Variants in DYNC2H1 observed in about 807,000 individuals in gnomAD.
The protein encoded by DYNC2H1 is dynein cytoplasmic 2 heavy chain 1, also known as cytoplasmic dynein 2 heavy chain 1.
Under a neutral mutation model 570.0 loss-of-function variants are expected in DYNC2H1, and 410 were observed. The ratio of observed to expected loss-of-function variants is 0.72; its 90% CI spans 0.66 to 0.78. The LOEUF is 0.78. Among genes scored for constraint, DYNC2H1 ranks in the 30% least tolerant of loss-of-function variants. The pLI is 0.00. For synonymous variants in DYNC2H1, 1,688 were observed against 1,677.6 expected (o/e 1.01, Z -0.15); for missense variants, 4,865 against 5,046.4 (o/e 0.96, Z 1.09).
chr11:103,417,011 C>T (rs554892681), intron 84 of DYNC2H1, among the ~76,000 whole-genome samples: 6 of 152,096 alleles, frequency 3.9e-5, no homozygotes, highest in African/African-American at 1.4e-4. Flanking sequence ...ATGTGGCCAA[C>T]AAACTTATGA....
chr11:103,275,546 T>C lies in DYNC2H1; in HGVS notation c.10696-4802T>C, dbSNP rs1051886379. Among the ~76,000 whole-genome samples, 7 of 152,230 alleles carry C rather than the reference T, an allele frequency of 4.6e-5. No individual in the cohort carries two copies. The highest frequency in any genetic ancestry group is 1.0e-4 in the Non-Finnish European group (7 of 68,046). Reference sequence around the variant, plus strand: ...CAAACGCTGATCCTTTTACTGCCTATAGTTTTGCCTGTTCCAAATTATATT... The same window carrying C: ...CAAACGCTGATCCTTTTACTGCCTACAGTTTTGCCTGTTCCAAATTATATT... On this transcript the variant is annotated intron_variant, in intron 70 of 88. Coordinates refer to ENST00000375735, the MANE Select transcript of DYNC2H1 (RefSeq NM_001377.3). This position sits in a 1 kb window ranked among gnomAD's most constrained non-coding sequence, Gnocchi z 4.8.
At chr11:103,384,621 T>A (rs967225147) in intron 83 of DYNC2H1, among the ~76,000 whole-genome samples, 14 of 152,202 alleles carry the variant, frequency 9.2e-5, no homozygotes, top group African/African-American at 2.7e-4. Flanking sequence ...TTTTTGTACA[T>A]ACATAGCTTA....
At chr11:103,341,902 A>G (rs1322415620) in intron 82 of DYNC2H1, among the ~76,000 whole-genome samples, 2 of 152,184 alleles carry the variant, frequency 1.3e-5, no homozygotes, top group East Asian at 3.9e-4. Context: ...TCTCCATTGT[A>G]GGCTATTTCC....
At chr11:103,296,040 C>T (rs779815096) in intron 75 of DYNC2H1, among the ~76,000 whole-genome samples, 49 of 152,308 alleles carry the variant, frequency 3.2e-4, no homozygotes, top group Middle Eastern at 3.4e-3. Context: ...TCCTCCCCTA[C>T]GCACACAGAT....
intron 60 of DYNC2H1, among the ~76,000 whole-genome samples, chr11:103,233,421 A>G (rs1864089447): frequency 6.6e-6 from 1 of 151,956 alleles, no homozygotes; most frequent in Non-Finnish European, 1.5e-5. Flanking sequence ...CATATTTTTC[A>G]AGGAAAATAA....
chr11:103,377,829 C>A (rs1371766063), intron 83 of DYNC2H1, among the ~76,000 whole-genome samples: 1 of 152,184 alleles, frequency 6.6e-6, no homozygotes, highest in Non-Finnish European at 1.5e-5. Flanking sequence ...CTCCACCTCC[C>A]AGGTTCAAGC....
intron 83 of DYNC2H1, among the ~76,000 whole-genome samples, chr11:103,364,497 T>G (rs1940800938): frequency 6.6e-6 from 1 of 152,186 alleles, no homozygotes; most frequent in Non-Finnish European, 1.5e-5. Context: ...TTTTTAAATT[T>G]AAATTGAAGT....
At chr11:103,220,198 A>C (rs538820768) in intron 56 of DYNC2H1, among the ~76,000 whole-genome samples, 170 bp downstream of exon 56, 20 of 152,344 alleles carry the variant, frequency 1.3e-4, no homozygotes, top group African/African-American at 4.8e-4. Context: ...TTCCAGGAAA[A>C]GTATAAATTA....
At chr11:103,206,605 T>A (rs1450009614) in intron 52 of DYNC2H1, among the ~76,000 whole-genome samples, 1 of 152,044 alleles carries the variant, frequency 6.6e-6, no homozygotes, top group African/African-American at 2.4e-5. Flanking sequence ...GAGAAGCAGC[T>A]GCTAGGGAAA....
chr11:103,348,468 C>G (rs1033889187), intron 82 of DYNC2H1, among the ~76,000 whole-genome samples: 3 of 152,080 alleles, frequency 2.0e-5, no homozygotes, highest in Non-Finnish European at 4.4e-5. Flanking sequence ...CTGCCCTATT[C>G]CCAGGCAACC....
rs979677137 is a variant in DYNC2H1, at chr11:103,151,948, C to T, written c.2947-188C>T. On this transcript the variant is annotated intron_variant, in intron 20 of 88. Transcript: ENST00000375735. This position sits in a 1 kb window ranked among gnomAD's most constrained non-coding sequence, Gnocchi z 4.6. ...TTTGTGTATAGTAAAAAATAACCAT[C>T]AGAAAGTTTATATCCAGGAATTTTT... 6.6e-6 allele frequency among the ~76,000 whole-genome samples: 1 copy of T among 151,888 alleles called. No individual in the cohort carries two copies. Among genetic ancestry groups the T allele is most frequent in the African/African-American group, 2.4e-5 (1 of 41,344 alleles).
chr11:103,131,753 G>A (rs989093961), intron 13 of DYNC2H1, among the ~76,000 whole-genome samples: 6 of 151,498 alleles, frequency 4.0e-5, no homozygotes, highest in Non-Finnish European at 7.4e-5. Flanking sequence ...CATTTTCCAT[G>A]TCCTGCTGGC....
At chr11:103,117,414 A>T (rs980364080) in intron 5 of DYNC2H1, among the ~76,000 whole-genome samples, 9 of 151,630 alleles carry the variant, frequency 5.9e-5, no homozygotes, top group African/African-American at 2.2e-4. Context: ...GGTATATTGA[A>T]AATTGAAAGA....
Position 103,153,473 on chromosome 11 carries a change from G to C in DYNC2H1, c.3267G>C (p.Glu1089Asp), listed in dbSNP as rs1458551453. The C allele has an allele frequency of 6.4e-7, 1 of 1,567,680 alleles. No homozygotes were observed. Among genetic ancestry groups the C allele is most frequent in the Non-Finnish European group, 8.6e-7 (1 of 1,158,346 alleles). ...AGTTAATAAAAGAGAAAAAAATTGA[G>C]TTTGATGATCTTGAAGTCACAAGAA... ...SAKLIKEKKI[E>D]FDDLEVTRKK... Residue 1089 changes from glutamate (E) to aspartate (D), a missense_variant, in exon 22 of 89, where the codon GAG (glutamate) becomes GAC (aspartate). This residue lies in a region of DYNC2H1 where 1,936 missense variants were observed against 1,962.1 expected (regional missense o/e 0.99). Transcript: ENST00000375735.
intron 2 of DYNC2H1, 119 bp from the exon 3 acceptor site, chr11:103,113,984 A>C: frequency 8.5e-7 from 1 of 1,180,576 alleles, no homozygotes; most frequent in Non-Finnish European, 1.2e-6. Context: ...TATTCTTCTT[A>C]TGAAGTGGAG....
At chr11:103,332,945 G>A (rs1409495056) in intron 82 of DYNC2H1, among the ~76,000 whole-genome samples, 1 of 151,844 alleles carries the variant, frequency 6.6e-6, no homozygotes. Flanking sequence ...AGAGGTTACA[G>A]TGAGCCGAGA....
intron 84 of DYNC2H1, among the ~76,000 whole-genome samples, chr11:103,408,823 G>A (rs1023609556): frequency 7.9e-5 from 12 of 152,066 alleles, no homozygotes; most frequent in South Asian, 4.2e-4. Flanking sequence ...TAGGTTGTTC[G>A]GAGGTTAAAT....
At chr11:103,265,004 A>G (rs1472419772) in intron 70 of DYNC2H1, among the ~76,000 whole-genome samples, 22 of 152,218 alleles carry the variant, frequency 1.4e-4, no homozygotes, top group Admixed American at 1.4e-3. Flanking sequence ...TTAAGCTAAT[A>G]AGCAACTTCA....
At chr11:103,406,638 A>C (rs1336365637) in intron 84 of DYNC2H1, 1 of 151,984 alleles carries the variant, frequency 6.6e-6, no homozygotes, top group Non-Finnish European at 1.5e-5. Flanking sequence ...GCAAATAATC[A>C]GGTTTAGAAT....
Sources: gnomAD v4.1 joint callset for allele counts (sites outside exome capture counted in the v4.1 genomes callset) on GRCh38, gnomAD v4.1.1 for gene constraint, gnomAD v4.1.1 regional missense constraint, Gnocchi (gnomAD v3.1) non-coding constraint, MANE v1.5 for transcripts, NCBI Gene and HGNC (gene_info 2026-07-23, HGNC 2026-07-21) for gene names.